Variants in ARHGAP23 observed in about 807,000 individuals in gnomAD.
ARHGAP23 encodes rho GTPase-activating protein 23.
ARHGAP23 carries 34 observed loss-of-function variants against 136.3 expected under a neutral mutation model. The observed-to-expected ratio is 0.25, with a 90% CI of 0.19 to 0.33. The LOEUF (loss-of-function observed/expected upper bound fraction) is 0.33. ARHGAP23 is among the 10% of genes least tolerant of loss of function. The pLI is 1.00. For missense variants in ARHGAP23, 1,808 were observed against 2,139.0 expected (o/e 0.85, Z 3.05); for synonymous variants, 832 against 920.5 (o/e 0.90, Z 1.74).
intron 20 of ARHGAP23, chr17:38,491,849 C>T (rs550780048): frequency 6.6e-4 from 235 of 357,418 alleles, no homozygotes; most frequent in Non-Finnish European, 1.0e-3. Context: ...TGGTGGAGGG[C>T]GGAAGGGGCA....
intron 1 of ARHGAP23, among the ~76,000 whole-genome samples, chr17:38,449,860 G>A (rs1300445745): frequency 1.3e-5 from 2 of 152,174 alleles, no homozygotes; most frequent in African/African-American, 4.8e-5. Context: ...AGGAAAAGCA[G>A]GCAGAATCGA....
At chr17:38,447,721 A>T (rs2039067774) in intron 1 of ARHGAP23, among the ~76,000 whole-genome samples, 1 of 152,184 alleles carries the variant, frequency 6.6e-6, no homozygotes, top group African/African-American at 2.4e-5. Context: ...CTTCCCTTTG[A>T]GGAGTCTGCA....
chr17:38,441,132 C>A (rs1219878531), intron 1 of ARHGAP23, among the ~76,000 whole-genome samples: 1 of 152,226 alleles, frequency 6.6e-6, no homozygotes, highest in Non-Finnish European at 1.5e-5. Context: ...CACAGGGATC[C>A]ACCAATCAGA....
Position 38,510,458 on chromosome 17 carries a change from G to A in ARHGAP23, c.3962G>A (p.Arg1321His), listed in dbSNP as rs533687185. The A allele has an allele frequency of 4.9e-3, 5,908 of 1,208,048 alleles. 21 individuals are homozygous for A. The highest frequency in any genetic ancestry group is 5.8e-3 in the Non-Finnish European group (5,617 of 973,370). 74.8% of individuals were successfully genotyped at this position (1,208,048 alleles called of 1,614,324 possible). A position where few individuals can be genotyped will look rare whatever the true frequency, so the allele number is the denominator to read the frequency against. Residue 1321 changes from arginine (R) to histidine (H), a missense_variant, in exon 24 of 24, where the codon CGC (arginine) becomes CAC (histidine). This residue lies in a region of ARHGAP23 where 506 missense variants were observed against 455.8 expected (regional missense o/e 1.11). Coordinates refer to ENST00000622683, the MANE Select transcript of ARHGAP23 (RefSeq NM_001199417.2). The surrounding 1 kb of genome is among the most constrained non-coding windows in gnomAD (Gnocchi z 4.6). ...HLMPCDTLARRRLARGRPDGE... is the reference protein window; with the variant it reads ...HLMPCDTLARHRLARGRPDGE... ...ATGCCCTGCGACACTCTGGCGCGCC[G>A]CCGCCTGGCCCGGGGCCGCCCAGAC...
At chr17:38,447,378 G>A (rs935560459) in intron 1 of ARHGAP23, among the ~76,000 whole-genome samples, 1 of 140,088 alleles carries the variant, frequency 7.1e-6, no homozygotes, top group Non-Finnish European at 1.5e-5. Flanking sequence ...GGAGGTGGAG[G>A]TTGCAGTGAG....
chr17:38,505,169 TA>T (rs1432285072), intron 23 of ARHGAP23, among the ~76,000 whole-genome samples: 2 of 151,578 alleles, frequency 1.3e-5, no homozygotes, highest in Non-Finnish European at 2.9e-5. Context: ...CACTCCTGCC[TA>T]ATGTTTTTGT....
chr17:38,499,456 A>G (rs921112150), intron 22 of ARHGAP23, among the ~76,000 whole-genome samples: 4 of 152,196 alleles, frequency 2.6e-5, no homozygotes, highest in Non-Finnish European at 4.4e-5. Context: ...TTACATGCTC[A>G]GAGACAGATG....
intron 1 of ARHGAP23, chr17:38,454,279 G>A (rs1184766361): frequency 6.5e-6 from 1 of 152,762 alleles, no homozygotes; most frequent in African/African-American, 2.4e-5. Flanking sequence ...CGGGGAGTGA[G>A]TGAGGCACTT....
At chr17:38,424,002 G>A (rs2038545503), upstream of ARHGAP23, among the ~76,000 whole-genome samples, 4 of 152,156 alleles carry the variant, frequency 2.6e-5, no homozygotes, top group Admixed American at 2.6e-4. Context: ...GGCAGGCCGA[G>A]AAGGCCTTAT....
chr17:38,428,333 G>C, upstream of ARHGAP23: 1 of 284,286 alleles, frequency 3.5e-6, no homozygotes, highest in Admixed American at 5.4e-5. Flanking sequence ...AAGGGAGCGC[G>C]GGGTGGGTGG....
chr17:38,422,376 C>T (rs939957107), intron 1 of ARHGAP23, among the ~76,000 whole-genome samples: 2 of 152,200 alleles, frequency 1.3e-5, no homozygotes, highest in Non-Finnish European at 1.5e-5. Flanking sequence ...TGCTGAGTGA[C>T]GGCATGGTTT....
chr17:38,461,508 G>C (rs2039460067), intron 3 of ARHGAP23, among the ~76,000 whole-genome samples: 1 of 152,334 alleles, frequency 6.6e-6, no homozygotes, highest in Admixed American at 6.5e-5. Context: ...TTCCTGCTCT[G>C]CCACTGGGGC....
At chr17:38,444,856 C>T (rs564025429) in intron 1 of ARHGAP23, among the ~76,000 whole-genome samples, 3 of 151,776 alleles carry the variant, frequency 2.0e-5, no homozygotes, top group South Asian at 2.1e-4. Flanking sequence ...TTGCTCTTGC[C>T]GTCCAGGCTG....
chr17:38,490,508 T>C lies in ARHGAP23; in HGVS notation c.3107T>C (p.Val1036Ala). ...GHYYETLKFL[V>A]GHLKTIADHS... is the part of the protein sequence containing the mutation. ...TACTATGAAACGCTCAAATTCCTTG[T>C]GGGCCATCTCAAGACCATCGCTGAC... The change falls in exon 19 of 24, where the codon GTG becomes GCG. Residue 1036 changes from valine (V) to alanine (A), a missense_variant. Around this residue, in one of 7 missense-constraint regions of ARHGAP23, gnomAD observed 105 missense variants for 200.6 expected, o/e 0.52. Coordinates refer to ENST00000622683, the MANE Select transcript of ARHGAP23 (RefSeq NM_001199417.2). 6.5e-7 allele frequency: 1 copy of C among 1,549,394 alleles called. No individual in the cohort carries two copies. Among genetic ancestry groups the C allele is most frequent in the South Asian group, 1.2e-5 (1 of 83,968 alleles).
chr17:38,477,801 G>A lies in ARHGAP23; in HGVS notation c.2341G>A (p.Ala781Thr), dbSNP rs982467489. 9.0e-6 allele frequency: 14 copies of A among 1,550,004 alleles called. No individual in the cohort carries two copies. The Admixed American group carries it at 1.2e-4, about 13-fold the overall frequency. The change falls in exon 12 of 24, where the codon GCT becomes ACT. Residue 781 changes from alanine (A) to threonine (T), a missense_variant. By Grantham distance (58) the Ala-to-Thr change is moderately conservative (BLOSUM62 0). Coordinates refer to ENST00000622683, the MANE Select transcript of ARHGAP23 (RefSeq NM_001199417.2). The surrounding 1 kb of genome is among the most constrained non-coding windows in gnomAD (Gnocchi z 6.6). ...KRRHVFRLTT[A>T]DFCEYLFQAE... ...GAGGCACGTGTTCCGGCTGACCACC[G>A]CTGACTTCTGTGAATATCTCTTTCA... is the stretch of plus-strand genomic sequence containing the variant.
Position 38,510,816 on chromosome 17 carries a change from T to C in ARHGAP23, c.4320T>C (p.Ser1440=). The C allele has an allele frequency of 6.6e-7, 1 of 1,507,344 alleles. No individual in the cohort carries two copies. The highest frequency in any genetic ancestry group is 8.8e-7 in the Non-Finnish European group (1 of 1,131,848). The allele number at this position is 1,507,344 out of a possible 1,614,324, so 93.4% of individuals were successfully genotyped here. ...PPEPAGARAH[S]DNKDSGLSSL... ...AGCCTGCGGGCGCGCGGGCGCACAGTGACAACAAGGACTCCGGACTCAGCA... is the reference window on the plus strand; with the variant it reads ...AGCCTGCGGGCGCGCGGGCGCACAGCGACAACAAGGACTCCGGACTCAGCA... The change falls in exon 24 of 24, where the codon AGT becomes AGC. Residue 1440 remains serine (S), a synonymous_variant. Coordinates refer to ENST00000622683, the MANE Select transcript of ARHGAP23 (RefSeq NM_001199417.2). The surrounding 1 kb of genome is among the most constrained non-coding windows in gnomAD (Gnocchi z 4.6).
At chr17:38,437,477 TGTG>T (rs1163213810) in intron 1 of ARHGAP23, among the ~76,000 whole-genome samples, 12 of 151,890 alleles carry the variant, frequency 7.9e-5, no homozygotes, top group Admixed American at 5.3e-4. Flanking sequence ...ATTAGCCAGG[TGTG>T]GTGGTGCACA....
intron 1 of ARHGAP23, among the ~76,000 whole-genome samples, chr17:38,448,016 C>T (rs1341101214): frequency 6.6e-6 from 1 of 152,206 alleles, no homozygotes; most frequent in Non-Finnish European, 1.5e-5. Flanking sequence ...GCCAGCCTGG[C>T]ACCTTTGCCA....
chr17:38,484,070 T>C (rs2040107168), intron 16 of ARHGAP23, among the ~76,000 whole-genome samples: 1 of 152,058 alleles, frequency 6.6e-6, no homozygotes, highest in South Asian at 2.1e-4. Flanking sequence ...GAGAACAAAG[T>C]TCAAGAAACA....
Sources: allele counts gnomAD v4.1 joint callset (sites outside exome capture counted in the v4.1 genomes callset), GRCh38; gene constraint gnomAD v4.1.1; regional missense constraint gnomAD v4.1.1; non-coding constraint Gnocchi (gnomAD v3.1); transcripts MANE v1.5; gene names NCBI Gene and HGNC (gene_info 2026-07-23, HGNC 2026-07-21).